ZNF208: variants seen among roughly 807,000 people sequenced by gnomAD.
The protein encoded by ZNF208 is zinc finger protein 208.
A neutral mutation model predicts 12.1 loss-of-function variants in ZNF208; 10 were observed. The observed-to-expected ratio is 0.83, with a 90% CI of 0.51 to 1.40. The LOEUF (loss-of-function observed/expected upper bound fraction) is 1.40. Among genes scored for constraint, ZNF208 ranks in the 40% most tolerant of loss-of-function variants. The pLI is 0.00. For missense variants in ZNF208, 1,652 were observed against 1,485.0 expected (o/e 1.11, Z -1.85); for synonymous variants, 497 against 488.4 (o/e 1.02, Z -0.23).
chr19:21,990,896 GCTCT>G (rs1174854119), intron 1 of ZNF208, among the ~76,000 whole-genome samples: 2 of 152,030 alleles, frequency 1.3e-5, no homozygotes, highest in Non-Finnish European at 2.9e-5. Context: ...CTATGATTTG[GCTCT>G]CTGTTTGTCT....
chr19:22,003,272 A>C (rs538415012), intron 1 of ZNF208, among the ~76,000 whole-genome samples: 11 of 152,344 alleles, frequency 7.2e-5, no homozygotes, highest in African/African-American at 2.6e-4. Flanking sequence ...TAGACATAGA[A>C]ACTGGCAAAG....
At position 21,974,976 on chromosome 19, in the gene ZNF208, C is replaced by T. The variant is rs115687200; in HGVS notation, c.227-169G>A. 7.9e-3 allele frequency among the ~76,000 whole-genome samples: 1,196 copies of T among 152,094 alleles called. 9 individuals carry two copies. The highest frequency in any genetic ancestry group is 0.027 in the African/African-American group (1,117 of 41,502). On this transcript the variant is annotated intron_variant, in intron 3 of 3. Coordinates refer to ENST00000397126, the MANE Select transcript of ZNF208 (RefSeq NM_007153.3). ...ATAAATCTAATAAAAACATATAGAC[C>T]GAAATACATATGTGGATAATTTATA... is the stretch of plus-strand genomic sequence containing the variant.
At position 21,970,241 on chromosome 19, in the gene ZNF208, G is replaced by A. The variant is rs903502283; in HGVS notation, c.*950C>T. Among the ~76,000 whole-genome samples, 1 of 152,166 alleles carries A rather than the reference G, an allele frequency of 6.6e-6. No homozygotes were observed. Among genetic ancestry groups the A allele is most frequent in the African/African-American group, 2.4e-5 (1 of 41,446 alleles). On this transcript the variant is annotated 3_prime_UTR_variant, in exon 4 of 4. Transcript: ENST00000397126. ...TCTCTTAAGAATTGAGGATCTATTA[G>A]AGGCTTTCCCACATTCTTCACACAT... is the stretch of plus-strand genomic sequence containing the variant.
intron 1 of ZNF208, among the ~76,000 whole-genome samples, chr19:21,992,296 A>G (rs1367700356): frequency 6.6e-6 from 1 of 152,230 alleles, no homozygotes; most frequent in Non-Finnish European, 1.5e-5. Context: ...AGGACGCAGC[A>G]TTACTGCTGA....
intron 4 of ZNF208, chr19:21,940,403 A>G (rs1969716243): frequency 6.6e-6 from 1 of 152,172 alleles, no homozygotes; most frequent in African/African-American, 2.4e-5. Flanking sequence ...TCTTAGGTAA[A>G]ATAGAGTAAA....
chr19:21,958,011 G>C (rs1970003542), intron 4 of ZNF208, among the ~76,000 whole-genome samples: 1 of 151,644 alleles, frequency 6.6e-6, no homozygotes, highest in South Asian at 2.1e-4. Flanking sequence ...ACAGCCCCCG[G>C]AGTGTGATGT....
rs774165887 is a variant in ZNF208 at position 21,972,157 on chromosome 19, G to A, written c.2877C>T (p.Thr959=). The part of the protein sequence containing the change: ...ACGKAYKSSS[T]LSYHKKIHTE... ...TATGAATTTTCTTATGATAACTAAG[G>A]GTTGAGGATGACTTATAGGCTTTGC... Residue 959 remains threonine, a synonymous_variant, in exon 4 of 4, where the codon ACC becomes ACT. Coordinates refer to ENST00000397126, the MANE Select transcript of ZNF208 (RefSeq NM_007153.3). 6.2e-7 allele frequency: 1 copy of A among 1,610,502 alleles called. No homozygotes were observed. Among genetic ancestry groups the A allele is most frequent in the Non-Finnish European group, 8.5e-7 (1 of 1,178,008 alleles).
chr19:21,983,773 G>A (rs970368760), intron 3 of ZNF208, among the ~76,000 whole-genome samples: 2 of 152,028 alleles, frequency 1.3e-5, no homozygotes, highest in African/African-American at 4.8e-5. Flanking sequence ...AACACAGCAT[G>A]TTCTCACTCA....
rs1970315363 is a variant in ZNF208, at chr19:21,972,436, ACATT to A, written c.2594_2597del (p.Glu865ValfsTer44). On this transcript the variant is annotated frameshift_variant, in exon 4 of 4. Transcript: ENST00000397126. LOFTEE classifies it low-confidence loss of function (END_TRUNC). Reference sequence around the variant, plus strand: ...TTGAGGGCCATTTATAGGCTTTGCCACATTCTTCACATTTGTAGGGTTTCTCTCC... The same window carrying A: ...TTGAGGGCCATTTATAGGCTTTGCCACTTCACATTTGTAGGGTTTCTCTCC... The A allele has an allele frequency of 6.2e-7, 1 of 1,612,936 alleles. No homozygotes were observed. Among genetic ancestry groups the A allele is most frequent in the African/African-American group, 1.3e-5 (1 of 74,852 alleles).
At position 21,972,516 on chromosome 19, in the gene ZNF208, T is replaced by C. The variant is rs1298102220; in HGVS notation, c.2518A>G (p.Lys840Glu). The stretch of plus-strand genomic sequence containing the variant: ...AGGATTGAGAACTTACTAAAGGCTT[T>C]GCCACATTCTTTACATTTGTAGGGC... ...EKPYKCKECG[K>E]AFSKFSILTK... Residue 840 changes from lysine to glutamate, a missense_variant, in exon 4 of 4, where the codon AAA becomes GAA. Lys to Glu is a moderately conservative substitution (Grantham distance 56). Around this residue, in one of 3 missense-constraint regions of ZNF208, gnomAD observed 1,239 missense variants for 1,086.2 expected, o/e 1.14. Transcript: ENST00000397126. 6.2e-7 allele frequency: 1 copy of C among 1,613,120 alleles called. No homozygotes were observed. The highest frequency in any genetic ancestry group is 8.5e-7 in the Non-Finnish European group (1 of 1,179,856).
intron 1 of ZNF208, chr19:21,998,172 T>TC (rs1456390032): frequency 6.7e-6 from 1 of 149,832 alleles, no homozygotes; most frequent in Non-Finnish European, 1.5e-5. Flanking sequence ...TTTTTTTTTT[T>TC]TGGACAGAGT....
rs1320659947 is a variant in ZNF208, at chr19:21,971,031, T to C, written c.*160A>G. On this transcript the variant is annotated 3_prime_UTR_variant, in exon 4 of 4. Coordinates refer to ENST00000397126, the MANE Select transcript of ZNF208 (RefSeq NM_007153.3). ...CCACATTCTTCACATTTGTAGGGTG[T>C]CTCTCCAGTATGAATTCTCTTATGT... Among the ~76,000 whole-genome samples the C allele has an allele frequency of 6.6e-6, 1 of 152,032 alleles. No homozygotes were observed. The highest frequency in any genetic ancestry group is 1.9e-4 in the East Asian group (1 of 5,188).
rs575390778 is a variant in ZNF208, at chr19:21,985,100, A to T, written c.226+2116T>A. Among the ~76,000 whole-genome samples, 24 of 152,358 alleles carry T rather than the reference A, an allele frequency of 1.6e-4. 1 individual carries two copies. In the South Asian group the frequency reaches 5.0e-3, roughly 32 times the overall value. ...AAAAGCAGAAAATATTCTACCAATT[A>T]TAACGATAAATCTTGATAACATTAT... On this transcript the variant is annotated intron_variant, in intron 3 of 3. Transcript: ENST00000397126.
At chr19:21,980,613 A>C (rs940310814) in intron 3 of ZNF208, among the ~76,000 whole-genome samples, 5 of 152,180 alleles carry the variant, frequency 3.3e-5, no homozygotes, top group African/African-American at 1.2e-4. Flanking sequence ...AAAAGAAAGC[A>C]AGACAGATCT....
chr19:21,959,063 C>A (rs1970021464), intron 4 of ZNF208, among the ~76,000 whole-genome samples: 1 of 151,556 alleles, frequency 6.6e-6, no homozygotes, highest in Admixed American at 6.6e-5. Context: ...CCCTGGGTGA[C>A]AGAGACTCAG....
chr19:21,941,892 A>C lies in ZNF208; in HGVS notation c.306-8655T>G, dbSNP rs952535617. ...TATATTTTGGACTTTAGTATGTTAA[A>C]GACAACGTAAAAAAAAAACTTTATT... On this transcript the variant is annotated intron_variant, in intron 4 of 4. Coordinates refer to the ZNF208 transcript ENST00000599916. 5.8e-4 allele frequency among the ~76,000 whole-genome samples: 88 copies of C among 152,322 alleles called. 1 individual carries two copies. The highest frequency in any genetic ancestry group is 2.1e-3 in the African/African-American group (87 of 41,590).
At chr19:21,990,359 C>A (rs541658269) in intron 1 of ZNF208, among the ~76,000 whole-genome samples, 4 of 152,262 alleles carry the variant, frequency 2.6e-5, no homozygotes, top group African/African-American at 9.6e-5. Context: ...CCCATTACTT[C>A]TTTTTCTCAG....
At chr19:21,975,823 C>CAAAAAAAAAAAAAAAAAAAAAA (rs532995268) in intron 3 of ZNF208, among the ~76,000 whole-genome samples, 1 of 26,408 alleles carries the variant, frequency 3.8e-5, no homozygotes, top group African/African-American at 1.3e-4. Context: ...AGTCAAAGTC[C>CAAAAAAAAAAAAAAAAAAAAAA]AAAAAAAAAA....
intron 3 of ZNF208, among the ~76,000 whole-genome samples, chr19:21,977,858 C>T (rs1247537659): frequency 6.6e-6 from 1 of 152,194 alleles, no homozygotes; most frequent in Non-Finnish European, 1.5e-5. Flanking sequence ...GCAAGCACAG[C>T]AGTCCAAGCT....
Sources: gnomAD v4.1 joint callset for allele counts (sites outside exome capture counted in the v4.1 genomes callset) on GRCh38, gnomAD v4.1.1 for gene constraint, gnomAD v4.1.1 regional missense constraint, MANE v1.5 for transcripts, NCBI Gene and HGNC (gene_info 2026-07-23, HGNC 2026-07-21) for gene names.